CCSER1: variants seen among roughly 807,000 people sequenced by gnomAD.
The protein encoded by CCSER1 is serine-rich coiled-coil domain-containing protein 1.
Under a neutral mutation model 82.0 loss-of-function variants are expected in CCSER1, and 41 were observed. The ratio of observed to expected loss-of-function variants is 0.50; its 90% CI spans 0.39 to 0.65. The LOEUF is 0.65. Among genes scored for constraint, CCSER1 ranks in the 30% least tolerant of loss-of-function variants. The probability of loss-of-function intolerance (pLI) is 0.00; values close to 1 mark genes in which losing one functional copy is unlikely to be tolerated. For synonymous variants in CCSER1, 414 were observed against 383.9 expected, an observed-to-expected ratio of 1.08 and a Z score of -0.92; for missense variants, 1,119 against 1,064.2, an observed-to-expected ratio of 1.05 and a Z score of -0.72.
chr4:90,745,138 T>C lies in CCSER1; in HGVS notation c.2010+21147T>C, dbSNP rs548909797. Among the ~76,000 whole-genome samples, 191 of 152,236 alleles carry C rather than the reference T, an allele frequency of 1.3e-3. 1 individual carries two copies. Among genetic ancestry groups the C allele is most frequent in the Admixed American group, 5.4e-3 (82 of 15,290 alleles). ...TGGAAAGAAAATCAATATGATGGCCTGGTCGAGTTCTTTCTGAAGGCTATA... is the reference window on the plus strand; with the variant it reads ...TGGAAAGAAAATCAATATGATGGCCCGGTCGAGTTCTTTCTGAAGGCTATA... On this transcript the variant is annotated intron_variant, in intron 7 of 10. Transcript: ENST00000509176.
intron 7 of CCSER1, among the ~76,000 whole-genome samples, chr4:90,728,437 A>G (rs1744081308): frequency 6.6e-6 from 1 of 152,228 alleles, no homozygotes; most frequent in Non-Finnish European, 1.5e-5. Flanking sequence ...ATTGTGTCTG[A>G]AGATTCTTCT....
At chr4:90,133,286 G>T (rs543056520) in intron 1 of CCSER1, among the ~76,000 whole-genome samples, 1 of 152,088 alleles carries the variant, frequency 6.6e-6, no homozygotes, top group African/African-American at 2.4e-5. Flanking sequence ...CCCATTGCTT[G>T]TGCAAGAATT....
At chr4:90,597,014 C>G (rs1205305187) in intron 5 of CCSER1, among the ~76,000 whole-genome samples, 1 of 151,902 alleles carries the variant, frequency 6.6e-6, no homozygotes, top group Admixed American at 6.6e-5. Flanking sequence ...AAAAATTATT[C>G]TCAGTCATGA....
At chr4:91,331,424 C>A (rs1305711839) in intron 10 of CCSER1, among the ~76,000 whole-genome samples, 1 of 152,098 alleles carries the variant, frequency 6.6e-6, no homozygotes, top group Non-Finnish European at 1.5e-5. Context: ...AAAGATCTGG[C>A]TCCACATCAT....
At chr4:91,153,996 C>A (rs1334160082) in intron 10 of CCSER1, among the ~76,000 whole-genome samples, 3 of 151,952 alleles carry the variant, frequency 2.0e-5, no homozygotes, top group South Asian at 2.1e-4. Context: ...ATCCTCAGAT[C>A]TCAAACTCTG....
intron 8 of CCSER1, among the ~76,000 whole-genome samples, chr4:90,898,220 T>C (rs995882691): frequency 1.1e-4 from 16 of 151,048 alleles, no homozygotes; most frequent in African/African-American, 3.9e-4. Flanking sequence ...CTAGATTTTC[T>C]TCTAGGATTC....
intron 7 of CCSER1, among the ~76,000 whole-genome samples, chr4:90,814,669 C>G (rs1758768720): frequency 6.6e-6 from 1 of 152,194 alleles, no homozygotes; most frequent in African/African-American, 2.4e-5. Flanking sequence ...TCATGTCTCT[C>G]TAGTTCAAAG....
chr4:90,359,184 G>T (rs1035444388), intron 3 of CCSER1, among the ~76,000 whole-genome samples: 1 of 152,056 alleles, frequency 6.6e-6, no homozygotes, highest in African/African-American at 2.4e-5. Context: ...ACAACAGAAA[G>T]AAAAGACCAT....
intron 10 of CCSER1, among the ~76,000 whole-genome samples, chr4:91,431,128 C>G (rs928723489): frequency 5.3e-5 from 8 of 152,000 alleles, no homozygotes; most frequent in Non-Finnish European, 1.2e-4. Flanking sequence ...CCCAGCTACT[C>G]GGCAGGCTGA....
At position 90,777,083 on chromosome 4, in the gene CCSER1, C is replaced by T. The variant is rs564349606; in HGVS notation, c.2011-38679C>T. On this transcript the variant is annotated intron_variant, in intron 7 of 10. Coordinates refer to ENST00000509176, the MANE Select transcript of CCSER1 (RefSeq NM_001145065.2). ...TAAAAATGCCTCTAAGTGCCGGGAG[C>T]GGTGGCTCATGCCTGTAATCCCAGC... Among the ~76,000 whole-genome samples the T allele has an allele frequency of 2.8e-4, 43 of 152,178 alleles. 1 individual carries two copies. The East Asian group carries it at 5.0e-3, about 18-fold the overall frequency.
rs375269079 is a variant in CCSER1 at position 90,752,761 on chromosome 4, G to T, written c.2010+28770G>T. 5.1e-4 allele frequency among the ~76,000 whole-genome samples: 77 copies of T among 151,978 alleles called. 2 individuals carry two copies. In the East Asian group the frequency reaches 0.014, roughly 27 times the overall value. ...TTTCAATTATTTATCTCCATCTCAG[G>T]TTTCTCTAAGTTTCAGATTCATATA... On this transcript the variant is annotated intron_variant, in intron 7 of 10. Coordinates refer to ENST00000509176, the MANE Select transcript of CCSER1 (RefSeq NM_001145065.2).
chr4:90,926,788 C>T (rs1470056098), intron 9 of CCSER1, among the ~76,000 whole-genome samples: 1 of 152,012 alleles, frequency 6.6e-6, no homozygotes, highest in Non-Finnish European at 1.5e-5. Context: ...CTTCCACGTT[C>T]CTCTGTCTGC....
intron 7 of CCSER1, among the ~76,000 whole-genome samples, chr4:90,796,680 G>A (rs1323972699): frequency 6.6e-6 from 1 of 152,018 alleles, no homozygotes; most frequent in East Asian, 1.9e-4. Flanking sequence ...CTGGTACATT[G>A]TGTCTTTTTT....
At chr4:90,234,654 T>C (rs6849749) in intron 1 of CCSER1, among the ~76,000 whole-genome samples, 4 of 152,134 alleles carry the variant, frequency 2.6e-5, no homozygotes, top group African/African-American at 7.2e-5. Flanking sequence ...CATTATTGAG[T>C]CCCTATTATC....
chr4:90,674,846 T>A (rs191944567), intron 6 of CCSER1, among the ~76,000 whole-genome samples: 19 of 151,806 alleles, frequency 1.3e-4, no homozygotes, highest in Non-Finnish European at 2.7e-4. Flanking sequence ...CATTGTTGAG[T>A]TCATTGGTGA....
At position 90,308,661 on chromosome 4, in the gene CCSER1, A is replaced by C. The variant is rs371096921; in HGVS notation, c.377A>C (p.Lys126Thr). The change falls in exon 2 of 11, where the codon AAG (lysine) becomes ACG (threonine). Residue 126 changes from lysine (K) to threonine (T), a missense_variant. Transcript: ENST00000509176. ...GGTTTTAGTAGTTCACGAAATAAGAAGATAACAAGATCTTTGACAGAGGAT... is the reference window on the plus strand; with the variant it reads ...GGTTTTAGTAGTTCACGAAATAAGACGATAACAAGATCTTTGACAGAGGAT... ...SVGFSSSRNK[K>T]ITRSLTEDFE... The C allele has an allele frequency of 1.5e-5, 25 of 1,613,578 alleles. No homozygotes were observed. In the African/African-American group the frequency reaches 3.2e-4, roughly 21 times the overall value.
At chr4:91,185,669 G>C (rs981936510) in intron 10 of CCSER1, among the ~76,000 whole-genome samples, 1 of 152,192 alleles carries the variant, frequency 6.6e-6, no homozygotes, top group African/African-American at 2.4e-5. Flanking sequence ...CAAACTTAGG[G>C]TGACATTGAT....
At chr4:90,831,830 GA>G (rs910930619) in intron 8 of CCSER1, among the ~76,000 whole-genome samples, 81 of 152,068 alleles carry the variant, frequency 5.3e-4, no homozygotes, top group African/African-American at 1.9e-3. Flanking sequence ...AAGAGAAGAG[GA>G]AAAAATTATG....
chr4:91,442,006 T>C (rs1305796106), intron 10 of CCSER1, among the ~76,000 whole-genome samples: 1 of 152,152 alleles, frequency 6.6e-6, no homozygotes, highest in Non-Finnish European at 1.5e-5. Context: ...TCCATGCTCA[T>C]GGATAGGAAG....
Sources: gnomAD v4.1 joint callset for allele counts (sites outside exome capture counted in the v4.1 genomes callset) on GRCh38, gnomAD v4.1.1 for gene constraint, MANE v1.5 for transcripts, NCBI Gene and HGNC (gene_info 2026-07-23, HGNC 2026-07-21) for gene names.